CNIH3: variants seen among roughly 807,000 people sequenced by gnomAD.
CNIH3 encodes cornichon family AMPA receptor auxiliary protein 3, also known as protein cornichon homolog 3.
CNIH3 carries 14 observed loss-of-function variants against 24.1 expected under a neutral mutation model. The observed-to-expected ratio is 0.58, with a 90% confidence interval of 0.38 to 0.91. CNIH3 has a LOEUF of 0.91. CNIH3 is among the 40% of genes least tolerant of loss of function. The pLI, the probability that CNIH3 is intolerant of heterozygous loss-of-function variation, is 0.00. For synonymous variants in CNIH3, 68 were observed against 73.8 expected, an observed-to-expected ratio of 0.92 and a Z score of 0.40; for missense variants, 178 against 196.8, an observed-to-expected ratio of 0.90 and a Z score of 0.57.
In CNIH3 at chr1:224,639,310, C is replaced by T. The variant is rs529753165; in HGVS notation, c.81+22055C>T. The stretch of plus-strand genomic sequence containing the variant: ...ACCTGGATGGGGTCCTCATGTCCCC[C>T]TCGTACTTCAGGCCTTGAAGGAGAT... On this transcript the variant is annotated intron_variant, in intron 1 of 5. Transcript: ENST00000272133. Among the ~76,000 whole-genome samples, 6 of 152,354 alleles carry T rather than the reference C, an allele frequency of 3.9e-5. No individual in the cohort carries two copies. In the South Asian group the frequency reaches 1.0e-3, roughly 26 times the overall value.
chr1:224,613,024 G>A (rs1030533925), upstream of CNIH3, among the ~76,000 whole-genome samples: 10 of 152,052 alleles, frequency 6.6e-5, no homozygotes, highest in Admixed American at 2.0e-4. Context: ...TTTGAGACAG[G>A]CTCTCGCTTT....
chr1:224,524,773 A>G (rs958949742), intron 2 of CNIH3, among the ~76,000 whole-genome samples: 1 of 152,122 alleles, frequency 6.6e-6, no homozygotes, highest in Non-Finnish European at 1.5e-5. Flanking sequence ...TAGCTCCCTG[A>G]TTTTCTTTTG....
chr1:224,641,057 A>G (rs1286443042), intron 1 of CNIH3, among the ~76,000 whole-genome samples: 1 of 152,182 alleles, frequency 6.6e-6, no homozygotes, highest in Non-Finnish European at 1.5e-5. Context: ...GCAATTCCTC[A>G]GGGGCTCTGA....
chr1:224,446,192 A>G (rs1314176646), intron 1 of CNIH3, among the ~76,000 whole-genome samples: 3 of 145,826 alleles, frequency 2.1e-5, no homozygotes, highest in East Asian at 4.0e-4. Flanking sequence ...GCCATTTGGT[A>G]GTATAATTAT....
chr1:224,578,136 A>G (rs1361040952), intron 4 of CNIH3, among the ~76,000 whole-genome samples: 1 of 152,196 alleles, frequency 6.6e-6, no homozygotes, highest in African/African-American at 2.4e-5. Context: ...CCATGCACCC[A>G]GACACCACCT....
rs376356160 is a variant in CNIH3 at position 224,708,553 on chromosome 1, G to A, written c.199-21909G>A. 4.8e-4 allele frequency among the ~76,000 whole-genome samples: 73 copies of A among 152,310 alleles called. No individual in the cohort carries two copies. In the Middle Eastern group the frequency reaches 0.01, roughly 21 times the overall value. On this transcript the variant is annotated intron_variant, in intron 3 of 5. Coordinates refer to ENST00000272133, the MANE Select transcript of CNIH3 (RefSeq NM_152495.2). The stretch of plus-strand genomic sequence containing the variant: ...TCTCAGAATCCCTTGCAGTCCGGCA[G>A]ATGTGCCTCTCCTTCTATTGAAACT...
At chr1:224,551,453 C>T (rs188346453) in intron 3 of CNIH3, among the ~76,000 whole-genome samples, 50 of 152,168 alleles carry the variant, frequency 3.3e-4, no homozygotes, top group Non-Finnish European at 6.6e-4. Flanking sequence ...GATGATATTT[C>T]GTTAATATCA....
chr1:224,571,666 A>C (rs1183684540), intron 4 of CNIH3, among the ~76,000 whole-genome samples: 1 of 152,202 alleles, frequency 6.6e-6, no homozygotes, highest in African/African-American at 2.4e-5. Context: ...CGGAGGTTGC[A>C]GTGAGGCGAG....
At chr1:224,569,543 G>T (rs1432998722) in intron 4 of CNIH3, among the ~76,000 whole-genome samples, 1 of 152,100 alleles carries the variant, frequency 6.6e-6, no homozygotes, top group East Asian at 1.9e-4. Context: ...GTATAATCCT[G>T]CATGCGGACC....
intron 1 of CNIH3, among the ~76,000 whole-genome samples, chr1:224,668,268 A>G: frequency 6.6e-6 from 1 of 152,328 alleles, no homozygotes; most frequent in East Asian, 1.9e-4. Flanking sequence ...AGCTGGCATT[A>G]CTGCGTTCCT....
At position 224,448,105 on chromosome 1, in the gene CNIH3, C is replaced by T. The variant is rs377268556; in HGVS notation, n.203+13243C>T. Among the ~76,000 whole-genome samples the T allele has an allele frequency of 5.3e-5, 8 of 152,230 alleles. No individual in the cohort carries two copies. The South Asian group carries it at 1.2e-3, about 24-fold the overall frequency. ...GGATAAACTCAGCCAGGCATGGTGG[C>T]GGATGCCTGCAGTCCCAGCTGCTTG... On this transcript the variant is annotated intron_variant and non_coding_transcript_variant, in intron 1 of 5. Transcript: ENST00000471578.
chr1:224,568,424 A>G (rs1263908956), intron 4 of CNIH3, among the ~76,000 whole-genome samples: 1 of 152,142 alleles, frequency 6.6e-6, no homozygotes, highest in Non-Finnish European at 1.5e-5. Flanking sequence ...TTGATTAGAT[A>G]TTGAGAATAT....
intron 1 of CNIH3, among the ~76,000 whole-genome samples, chr1:224,676,759 A>G (rs571988460): frequency 1.1e-4 from 16 of 152,324 alleles, no homozygotes; most frequent in African/African-American, 2.9e-4. Context: ...GCTTAGCTCT[A>G]GATAGAAGTC....
intron 1 of CNIH3, among the ~76,000 whole-genome samples, chr1:224,657,465 TA>T (rs1311768766): frequency 1.3e-5 from 2 of 152,212 alleles, no homozygotes; most frequent in African/African-American, 4.8e-5. Context: ...GATAAGGGTT[TA>T]TTTTACTCAA....
At chr1:224,711,782 C>A (rs1298894837) in intron 3 of CNIH3, among the ~76,000 whole-genome samples, 4 of 122,936 alleles carry the variant, frequency 3.3e-5, no homozygotes, top group African/African-American at 9.6e-5. Context: ...GTGACAGAGC[C>A]AGACCCTGTC....
intron 3 of CNIH3, among the ~76,000 whole-genome samples, chr1:224,563,537 G>A (rs759898707): frequency 2.8e-4 from 42 of 151,540 alleles, no homozygotes; most frequent in Non-Finnish European, 3.7e-4. Context: ...GGGATTTGGT[G>A]GTTGGAAGAG....
chr1:224,633,572 A>G (rs754603276), intron 1 of CNIH3, among the ~76,000 whole-genome samples: 1 of 152,344 alleles, frequency 6.6e-6, no homozygotes, highest in African/African-American at 2.4e-5. Flanking sequence ...GGCTTCAAAC[A>G]ATAGAATAGC....
intron 1 of CNIH3, among the ~76,000 whole-genome samples, chr1:224,638,757 C>T (rs1684214830): frequency 1.3e-5 from 2 of 152,234 alleles, no homozygotes; most frequent in South Asian, 2.1e-4. Flanking sequence ...TTCCATGATA[C>T]TCCGTCTTAT....
At chr1:224,440,966 G>A (rs186942018) in intron 1 of CNIH3, among the ~76,000 whole-genome samples, 10 of 152,106 alleles carry the variant, frequency 6.6e-5, no homozygotes, top group East Asian at 5.8e-4. Context: ...ACAGGCGTCC[G>A]CCACCATGCC....
Sources: gnomAD v4.1 joint callset for allele counts (sites outside exome capture counted in the v4.1 genomes callset) on GRCh38, gnomAD v4.1.1 for gene constraint, MANE v1.5 for transcripts, NCBI Gene and HGNC (gene_info 2026-07-23, HGNC 2026-07-21) for gene names.